The following RGS5 variants were observed in gnomAD, a reference collection of about 807,000 sequenced individuals.
The protein encoded by RGS5 is regulator of G protein signaling 5, also known as regulator of G-protein signalling 5.
In RGS5, 20 loss-of-function variants were observed where a neutral mutation model predicts 18.9. The observed-to-expected ratio is 1.06, with a 90% confidence interval of 0.74 to 1.54. The LOEUF (loss-of-function observed/expected upper bound fraction) is 1.54, where lower values mean the gene tolerates loss of function less well. Among genes scored for constraint, RGS5 ranks in the 40% most tolerant of loss-of-function variants. RGS5 has a pLI of 0.00. For synonymous variants in RGS5, 57 were observed against 76.2 expected (o/e 0.75, Z 1.31); for missense variants, 201 against 211.8 (o/e 0.95, Z 0.32).
intron 1 of RGS5, among the ~76,000 whole-genome samples, chr1:163,173,380 C>T (rs557210400): frequency 1.6e-4 from 24 of 152,262 alleles, no homozygotes; most frequent in African/African-American, 5.3e-4. Context: ...AAACTGAAAA[C>T]GGTTTGAATA....
intron 2 of RGS5, 58 bp from the exon 3 acceptor site, chr1:163,162,034 G>A: frequency 8.7e-7 from 1 of 1,150,762 alleles, no homozygotes; most frequent in Non-Finnish European, 1.3e-6. Context: ...TGAACCACAT[G>A]TACCAGCAAT....
At chr1:163,223,663 A>G (rs1327684837) in intron 2 of RGS5, among the ~76,000 whole-genome samples, 1 of 152,164 alleles carries the variant, frequency 6.6e-6, no homozygotes, top group African/African-American at 2.4e-5. Context: ...TTCCAGCTAT[A>G]CTCTAGAGTA....
chr1:163,147,482 T>A lies in RGS5; in HGVS notation c.406A>T (p.Lys136Ter). 1 of 1,605,450 alleles carries A rather than the reference T, an allele frequency of 6.2e-7. No individual in the cohort carries two copies. Among genetic ancestry groups the A allele is most frequent in the Non-Finnish European group, 8.5e-7 (1 of 1,176,252 alleles). ...PKEVNIDHFT[K>*]DITMKNLVEP... ...ACCAGGTTCTTCATTGTGATGTCCT[T>A]AGTGAAGTGGTCAATATTCACCTGT... The change falls in exon 5 of 5, where the codon AAG (lysine) becomes TAG (stop). Residue 136 changes from lysine (K) to a stop codon, truncating the protein, a stop_gained. Coordinates refer to ENST00000313961, the MANE Select transcript of RGS5 (RefSeq NM_003617.4). LOFTEE classifies it low-confidence loss of function (END_TRUNC).
At chr1:163,204,344 CAG>C (rs371900285), upstream of RGS5, among the ~76,000 whole-genome samples, 3 of 146,098 alleles carry the variant, frequency 2.1e-5, no homozygotes, top group South Asian at 2.2e-4. Context: ...CACACACACA[CAG>C]ACACACACGT....
rs1324803041 is a variant in RGS5, at chr1:163,144,705, C to T, written c.*2637G>A. On this transcript the variant is annotated 3_prime_UTR_variant, in exon 5 of 5. Transcript: ENST00000313961. ...TGTTTTTCCTGGAAAGATCACCCCA[C>T]TTTTTCTAATTTCCCAGAATTAAAA... The T allele has an allele frequency of 6.6e-6, 1 of 152,548 alleles. No homozygotes were observed. Among genetic ancestry groups the T allele is most frequent in the Non-Finnish European group, 1.5e-5 (1 of 68,024 alleles). The allele number at this position is 152,548 out of a possible 1,614,324, so 9.4% of individuals were successfully genotyped here.
At chr1:163,250,554 T>G (rs1164988260) in intron 2 of RGS5, among the ~76,000 whole-genome samples, 1 of 152,162 alleles carries the variant, frequency 6.6e-6, no homozygotes, top group Non-Finnish European at 1.5e-5. Context: ...TCAGGTATGG[T>G]GGGAATGGAG....
At chr1:163,154,521 A>T (rs1047869774) in intron 3 of RGS5, among the ~76,000 whole-genome samples, 1 of 152,082 alleles carries the variant, frequency 6.6e-6, no homozygotes, top group East Asian at 1.9e-4. Context: ...ATCTAGGAGC[A>T]ATGGTAGGTA....
rs1450780098 is a variant in RGS5 at position 163,145,301 on chromosome 1, T to C, written c.*2041A>G. 2 of 152,208 alleles carry C rather than the reference T, an allele frequency of 1.3e-5. No homozygotes were observed. Among genetic ancestry groups the C allele is most frequent in the African/African-American group, 4.8e-5 (2 of 41,464 alleles). The allele number at this position is 152,208 out of a possible 1,614,324, so 9.4% of individuals were successfully genotyped here. A position where few individuals can be genotyped will look rare whatever the true frequency, so the allele number is the denominator to read the frequency against. On this transcript the variant is annotated 3_prime_UTR_variant, in exon 5 of 5. Transcript: ENST00000313961. ...AATAAAATACTTGAATTTTAAATAA[T>C]TAAATTGTTTCTTCAAATGTTTTAG...
intron 3 of RGS5, among the ~76,000 whole-genome samples, chr1:163,159,869 T>TTA (rs888525006): frequency 1.3e-4 from 20 of 152,090 alleles, no homozygotes; most frequent in Non-Finnish European, 2.5e-4. Context: ...ATTGTGAATA[T>TTA]TATATATATA....
At chr1:163,282,689 G>A (rs1420021939) in intron 2 of RGS5, among the ~76,000 whole-genome samples, 1 of 152,132 alleles carries the variant, frequency 6.6e-6, no homozygotes, top group Non-Finnish European at 1.5e-5. Context: ...TAGCCTGGGG[G>A]AGAGAATGTG....
rs1027598332 is a variant in RGS5, at chr1:163,146,593, A to G, written c.*749T>C. The G allele has an allele frequency of 1.3e-5, 2 of 152,214 alleles. No individual in the cohort carries two copies. The highest frequency in any genetic ancestry group is 2.9e-5 in the Non-Finnish European group (2 of 68,026). The allele number at this position is 152,214 out of a possible 1,614,324, so 9.4% of individuals were successfully genotyped here. On this transcript the variant is annotated 3_prime_UTR_variant, in exon 5 of 5. Coordinates refer to ENST00000313961, the MANE Select transcript of RGS5 (RefSeq NM_003617.4). ...AGTCTAGCAGCATAAATACATTTAT[A>G]AAATACTTCATTGTTGATCTTAGGT... is the stretch of plus-strand genomic sequence containing the variant.
At chr1:163,154,882 T>C (rs879470971) in intron 3 of RGS5, among the ~76,000 whole-genome samples, 5 of 149,628 alleles carry the variant, frequency 3.3e-5, no homozygotes, top group South Asian at 2.1e-4. Context: ...TAGATATAGA[T>C]ATAGCCTATT....
chr1:163,198,906 G>A (rs1292426230), intron 1 of RGS5, among the ~76,000 whole-genome samples: 2 of 152,150 alleles, frequency 1.3e-5, no homozygotes, highest in African/African-American at 4.8e-5. Context: ...CTGGCCTCAA[G>A]TGATCCTCCC....
At chr1:163,211,203 A>T in intron 1 of RGS5, 1 of 152,128 alleles carries the variant, frequency 6.6e-6, no homozygotes, top group East Asian at 1.9e-4. Context: ...ATGAGCAAAG[A>T]TTTCTTTTTT....
Position 163,147,596 on chromosome 1 carries a change from A to G in RGS5, c.385-93T>C, listed in dbSNP as rs1006865780. 7.8e-6 allele frequency: 9 copies of G among 1,160,856 alleles called. No individual in the cohort carries two copies. In the African/African-American group the frequency reaches 1.4e-4, roughly 18 times the overall value. 71.9% of individuals were successfully genotyped at this position (1,160,856 alleles called of 1,614,324 possible). A position where few individuals can be genotyped will look rare whatever the true frequency, so the allele number is the denominator to read the frequency against. The stretch of plus-strand genomic sequence containing the variant: ...AGGTGGAATTTCTCATCAATAAAAC[A>G]TAAGAGGGGAGGAAAGTCATTAAAA... On this transcript the variant is annotated intron_variant, in intron 4 of 4. Transcript: ENST00000313961.
chr1:163,299,496 T>C (rs950525684), intron 2 of RGS5, among the ~76,000 whole-genome samples: 13 of 152,200 alleles, frequency 8.5e-5, no homozygotes, highest in African/African-American at 3.1e-4. Context: ...TGAAGGTCCC[T>C]TAATGTCTGA....
chr1:163,152,557 G>C lies in RGS5; in HGVS notation c.377C>G (p.Pro126Arg). 6.2e-7 allele frequency: 1 copy of C among 1,611,830 alleles called. No individual in the cohort carries two copies. Among genetic ancestry groups the C allele is most frequent in the South Asian group, 1.1e-5 (1 of 90,552 alleles). The part of the protein sequence containing the change: ...IYEEFIQTEA[P>R]KEVNIDHFTK... ...ACCTACCCAGAGACCAACCTCTTTA[G>C]GAGCCTCCGTTTGAATGAATTCTTC... The change falls in exon 4 of 5, where the codon CCT (proline) becomes CGT (arginine). Residue 126 changes from proline (P) to arginine (R), a missense_variant. Coordinates refer to ENST00000313961, the MANE Select transcript of RGS5 (RefSeq NM_003617.4).
chr1:163,213,242 A>G (rs1660145096), intron 1 of RGS5, among the ~76,000 whole-genome samples: 1 of 152,196 alleles, frequency 6.6e-6, no homozygotes, highest in Non-Finnish European at 1.5e-5. Context: ...TCCAAAAAAA[A>G]AGAAAACTGA....
intron 2 of RGS5, chr1:163,260,100 A>G (rs1399438842): frequency 6.6e-6 from 1 of 152,222 alleles, no homozygotes; most frequent in Non-Finnish European, 1.5e-5. Flanking sequence ...TAATACAGGG[A>G]TATAGAATTC....
Sources: allele counts gnomAD v4.1 joint callset (sites outside exome capture counted in the v4.1 genomes callset), GRCh38; gene constraint gnomAD v4.1.1; transcripts MANE v1.5; gene names NCBI Gene and HGNC (gene_info 2026-07-23, HGNC 2026-07-21).